Variants in FBH1 observed in about 807,000 individuals in gnomAD.
FBH1 encodes F-box DNA helicase 1.
FBH1 carries 43 observed loss-of-function variants against 115.5 expected under a neutral mutation model. The ratio of observed to expected loss-of-function variants is 0.37; its 90% CI spans 0.29 to 0.48. The LOEUF is 0.48. Among genes scored for constraint, FBH1 ranks in the 20% least tolerant of loss-of-function variants. The pLI, the probability that FBH1 is intolerant of heterozygous loss-of-function variation, is 0.99. For synonymous variants in FBH1, 524 were observed against 507.8 expected, an observed-to-expected ratio of 1.03 and a Z score of -0.43; for missense variants, 1,001 against 1,337.3, an observed-to-expected ratio of 0.75 and a Z score of 3.92.
At position 5,915,389 on chromosome 10, in the gene FBH1, C is replaced by T. The variant is rs41290313; in HGVS notation, c.1397-14C>T. On this transcript the variant is annotated splice_polypyrimidine_tract_variant and intron_variant, in intron 8 of 20. Transcript: ENST00000362091. The surrounding 1 kb of genome is among the most constrained non-coding windows in gnomAD (Gnocchi z 5.2). ...TGGTCAGAGGGTCACCTCCTTTCCT[C>T]CTGGCTTCCCCAGGCACTGGGAAGA... 0.089 allele frequency: 143,390 copies of T among 1,613,400 alleles called. 6,922 individuals are homozygous for T. The highest frequency in any genetic ancestry group is 0.12 in the Middle Eastern group (746 of 6,052).
Position 5,931,862 on chromosome 10 carries a change from G to T in FBH1, c.2829+4321G>T, listed in dbSNP as rs548614180. 8.5e-5 allele frequency among the ~76,000 whole-genome samples: 13 copies of T among 152,208 alleles called. No individual in the cohort carries two copies. Among genetic ancestry groups the T allele is most frequent in the African/African-American group, 3.1e-4 (13 of 41,520 alleles). On this transcript the variant is annotated intron_variant, in intron 19 of 20. Coordinates refer to ENST00000362091, the MANE Select transcript of FBH1 (RefSeq NM_178150.3). The surrounding 1 kb of genome is among the most constrained non-coding windows in gnomAD (Gnocchi z 4.3). ...AATGTTTTCAAAGTCAAAACCTTGC[G>T]CCTGGGCACAGTGGCTCACCCCTGT...
In FBH1 at chr10:5,897,026, G is replaced by T. The variant is rs913159741; in HGVS notation, c.2-5994G>T. On this transcript the variant is annotated intron_variant, in intron 1 of 20. Transcript: ENST00000362091. The surrounding 1 kb of genome is among the most constrained non-coding windows in gnomAD (Gnocchi z 4.7). ...GATTAGAATTCTAGTGTAGTGTTTTGGTTTTATTTTTAACCATTTAGCAAG... is the reference window on the plus strand; with the variant it reads ...GATTAGAATTCTAGTGTAGTGTTTTTGTTTTATTTTTAACCATTTAGCAAG... Among the ~76,000 whole-genome samples, 2 of 152,092 alleles carry T rather than the reference G, an allele frequency of 1.3e-5. No individual in the cohort carries two copies. The highest frequency in any genetic ancestry group is 2.9e-5 in the Non-Finnish European group (2 of 68,006).
At chr10:5,916,132 A>C in intron 9 of FBH1, 102 bp from the exon 10 acceptor site, 1 of 1,002,152 alleles carries the variant, frequency 1.0e-6, no homozygotes, top group Non-Finnish European at 1.5e-6. Context: ...TGTGTGTGGC[A>C]CTTGAAGCTA....
At chr10:5,907,261 G>A (rs899878447) in intron 3 of FBH1, among the ~76,000 whole-genome samples, 6 of 152,064 alleles carry the variant, frequency 3.9e-5, no homozygotes, top group African/African-American at 4.8e-5. Flanking sequence ...CACCATGTCT[G>A]GCCCATTTTT....
rs1466389291 is a variant in FBH1 at position 5,909,722 on chromosome 10, C to T, written c.1020+428C>T. 6.6e-6 allele frequency among the ~76,000 whole-genome samples: 1 copy of T among 152,240 alleles called. No homozygotes were observed. The highest frequency in any genetic ancestry group is 1.5e-5 in the Non-Finnish European group (1 of 68,042). The stretch of plus-strand genomic sequence containing the variant: ...GTAATGAGAAGCTGGAAATAACCCT[C>T]AGTCTCCTTGAATCTCAGCCCTGTT... On this transcript the variant is annotated intron_variant, in intron 5 of 20. Transcript: ENST00000362091. The surrounding 1 kb of genome is among the most constrained non-coding windows in gnomAD (Gnocchi z 4.4).
intron 1 of FBH1, chr10:5,891,170 C>T (rs1842700022): frequency 1.0e-6 from 1 of 985,778 alleles, no homozygotes; most frequent in South Asian, 4.7e-5. Flanking sequence ...TGTCCGCCAG[C>T]GTCTGCCGCT....
At chr10:5,903,709 T>A (rs649537) in intron 2 of FBH1, among the ~76,000 whole-genome samples, 2 of 151,990 alleles carry the variant, frequency 1.3e-5, no homozygotes, top group African/African-American at 2.4e-5. Context: ...TCCTATTAGC[T>A]TGTGTAATTA....
In FBH1 at chr10:5,897,595, C is replaced by T. The variant is rs879289744; in HGVS notation, c.2-5425C>T. On this transcript the variant is annotated intron_variant, in intron 1 of 20. Transcript: ENST00000362091. This position sits in a 1 kb window ranked among gnomAD's most constrained non-coding sequence, Gnocchi z 4.7. ...AAATCCAATAAAAGTACCAGCTCTC[C>T]CGCCAGCCAAACTATGGCTGGTAAC... is the stretch of plus-strand genomic sequence containing the variant. Among the ~76,000 whole-genome samples the T allele has an allele frequency of 5.3e-5, 8 of 152,178 alleles. No individual in the cohort carries two copies. The highest frequency in any genetic ancestry group is 1.3e-4 in the Admixed American group (2 of 15,284).
At position 5,923,543 on chromosome 10, in the gene FBH1, G is replaced by A. The variant is rs1034038766; in HGVS notation, c.2323-78G>A. ...CCCATCCCTGCATTTGCTTTATTTT[G>A]TTTTGTTAAAGCAACAACAAACAAA... On this transcript the variant is annotated intron_variant, in intron 15 of 20. Coordinates refer to ENST00000362091, the MANE Select transcript of FBH1 (RefSeq NM_178150.3). This position sits in a 1 kb window ranked among gnomAD's most constrained non-coding sequence, Gnocchi z 5.7. 2 of 1,258,312 alleles carry A rather than the reference G, an allele frequency of 1.6e-6. No individual in the cohort carries two copies. Among genetic ancestry groups the A allele is most frequent in the Non-Finnish European group, 1.1e-6 (1 of 879,660 alleles). 77.9% of individuals were successfully genotyped at this position (1,258,312 alleles called of 1,614,324 possible).
intron 2 of FBH1, among the ~76,000 whole-genome samples, chr10:5,903,392 G>T (rs1434757440): frequency 6.7e-6 from 1 of 150,274 alleles, no homozygotes; most frequent in Non-Finnish European, 1.5e-5. Context: ...GTGCAATGGC[G>T]CAATCTCGGC....
chr10:5,903,292 A>T, intron 2 of FBH1, 117 bp downstream of exon 2: 2 of 709,920 alleles, frequency 2.8e-6, no homozygotes, highest in Non-Finnish European at 4.2e-6. Context: ...GTCTTCATGC[A>T]ATAGCTTGAC....
Position 5,936,587 on chromosome 10 carries a change from T to C in FBH1, c.2961T>C (p.Tyr987=). The C allele has an allele frequency of 1.9e-6, 3 of 1,613,802 alleles. No individual in the cohort carries two copies. The highest frequency in any genetic ancestry group is 2.5e-6 in the Non-Finnish European group (3 of 1,179,710). Residue 987 remains tyrosine, a splice_region_variant and synonymous_variant, in exon 20 of 21, where the codon TAT becomes TAC. Transcript: ENST00000362091. The surrounding 1 kb of genome is among the most constrained non-coding windows in gnomAD (Gnocchi z 5.6). ...VLTMKKLPIT[Y]SNRKENKGGY... is the part of the protein sequence containing the mutation. ...CCATGAAGAAGCTGCCCATCACCTA[T>C]GTACGTCTGCTGTCTGTGGAACTTA...
rs781535281 is a variant in FBH1, at chr10:5,924,274, C to G, written c.2399-37C>G. 1.2e-6 allele frequency: 2 copies of G among 1,603,352 alleles called. No homozygotes were observed. Among genetic ancestry groups the G allele is most frequent in the Non-Finnish European group, 1.7e-6 (2 of 1,170,816 alleles). The stretch of plus-strand genomic sequence containing the variant: ...CACCTGCCACCATCTGTTAGTGGAG[C>G]TTGTGTCACCTTAATTTGTGTGTAT... On this transcript the variant is annotated intron_variant, in intron 16 of 20. Transcript: ENST00000362091. The surrounding 1 kb of genome is among the most constrained non-coding windows in gnomAD (Gnocchi z 6.2).
At position 5,913,135 on chromosome 10, in the gene FBH1, G is replaced by A. The variant is rs1452133860; in HGVS notation, c.1212-612G>A. On this transcript the variant is annotated intron_variant, in intron 6 of 20. Transcript: ENST00000362091. This position sits in a 1 kb window ranked among gnomAD's most constrained non-coding sequence, Gnocchi z 4.4. ...GCCAGCTGAGTCTGACGAGTCTGAC[G>A]ATGTCCTGTGCCTCTGCTGATTGAA... Among the ~76,000 whole-genome samples the A allele has an allele frequency of 6.6e-6, 1 of 152,116 alleles. No individual in the cohort carries two copies. Among genetic ancestry groups the A allele is most frequent in the Non-Finnish European group, 1.5e-5 (1 of 68,026 alleles).
intron 19 of FBH1, among the ~76,000 whole-genome samples, chr10:5,929,083 C>T (rs1832821975): frequency 6.6e-6 from 1 of 152,178 alleles, no homozygotes; most frequent in African/African-American, 2.4e-5. Context: ...CCCTGATGCT[C>T]ATAATGGAAT....
intron 6 of FBH1, among the ~76,000 whole-genome samples, chr10:5,912,095 C>T (rs1831628378): frequency 6.6e-6 from 1 of 152,114 alleles, no homozygotes. Context: ...GGCTTGGTGG[C>T]TCACACCTGT....
At chr10:5,927,817 AT>A (rs1832742900) in intron 19 of FBH1, among the ~76,000 whole-genome samples, 2 of 151,916 alleles carry the variant, frequency 1.3e-5, no homozygotes, top group Non-Finnish European at 2.9e-5. Flanking sequence ...TATGCCTGTA[AT>A]CCCAGCACTT....
At chr10:5,896,490 G>C (rs941878327) in intron 1 of FBH1, among the ~76,000 whole-genome samples, 1 of 152,148 alleles carries the variant, frequency 6.6e-6, no homozygotes, top group African/African-American at 2.4e-5. Flanking sequence ...GTGGGAATGA[G>C]CTTACTTAAG....
In FBH1 at chr10:5,918,815, GC is replaced by G. The variant is rs1344680798; in HGVS notation, c.2100+338del. Among the ~76,000 whole-genome samples the G allele has an allele frequency of 2.0e-5, 3 of 152,232 alleles. No homozygotes were observed. Among genetic ancestry groups the G allele is most frequent in the Admixed American group, 6.5e-5 (1 of 15,284 alleles). On this transcript the variant is annotated intron_variant, in intron 13 of 20. Transcript: ENST00000362091. This position sits in a 1 kb window ranked among gnomAD's most constrained non-coding sequence, Gnocchi z 4.0. Reference sequence around the variant, plus strand: ...TTTTCAAAGACAAGTGAAACAAGCTGCGACTTCAGGGAAAATAACTGACAGT... The same window carrying G: ...TTTTCAAAGACAAGTGAAACAAGCTGGACTTCAGGGAAAATAACTGACAGT...
Sources: allele counts gnomAD v4.1 joint callset (sites outside exome capture counted in the v4.1 genomes callset), GRCh38; gene constraint gnomAD v4.1.1; non-coding constraint Gnocchi (gnomAD v3.1); transcripts MANE v1.5; gene names NCBI Gene and HGNC (gene_info 2026-07-23, HGNC 2026-07-21).